The following TMSB4X variants were observed in gnomAD, a reference collection of about 807,000 sequenced individuals.
The protein encoded by TMSB4X is thymosin beta-4.
Under a neutral mutation model 3.6 loss-of-function variants are expected in TMSB4X, and 1 was observed. The observed-to-expected ratio is 0.28, with a 90% CI of 0.10 to 1.32. The LOEUF is 1.32. TMSB4X is among the 40% of genes most tolerant of loss of function. The pLI, the probability that TMSB4X is intolerant of heterozygous loss-of-function variation, is 0.45. For synonymous variants in TMSB4X, 12 were observed against 14.3 expected (o/e 0.84, Z 0.36); for missense variants, 6 against 32.7 (o/e 0.18, Z 1.99).
chrX:12,976,646 T>C (rs761332879), intron 2 of TMSB4X, 131 bp from the exon 3 acceptor site: 1 of 724,602 alleles, frequency 1.4e-6, no homozygotes, highest in Non-Finnish European at 2.1e-6. Flanking sequence ...ATACATATTT[T>C]ATTCCATTGT....
chrX:12,976,437 G>T (rs2043296731), intron 2 of TMSB4X, 76 bp downstream of exon 2: 10 of 912,054 alleles, frequency 1.1e-5, no homozygotes, highest in Middle Eastern at 5.4e-4. Context: ...GCTGGGAGCG[G>T]CCGCGGGAAG....
Position 12,975,126 on chromosome X carries a change from C to A in TMSB4X, c.-59C>A. The A allele has an allele frequency of 8.4e-6, 1 of 118,927 alleles. No homozygotes were observed. The allele number at this position is 118,927 out of a possible 1,213,427, so 9.8% of individuals were successfully genotyped here. A position where few individuals can be genotyped will look rare whatever the true frequency, so the allele number is the denominator to read the frequency against. ...CCGCCCGACAACTCGGTGGTGGCCA[C>A]TGCGCAGACCAGACTTCGCTCGTAC... On this transcript the variant is annotated 5_prime_UTR_variant, in exon 1 of 3. In the 5' UTR this introduces an upstream ATG that the reference lacks. Coordinates refer to ENST00000451311, the MANE Select transcript of TMSB4X (RefSeq NM_021109.4).
intron 1 of TMSB4X, 68 bp from the exon 2 acceptor site, chrX:12,976,178 G>T: frequency 2.3e-6 from 2 of 852,409 alleles, no homozygotes; most frequent in Middle Eastern, 4.1e-4. Context: ...CAGAAGTGCA[G>T]TTCCCAGCCC....
chrX:12,975,978 A>G (rs2043293848), intron 1 of TMSB4X: 1 of 237,062 alleles, frequency 4.2e-6, no homozygotes. Flanking sequence ...CGCAGTGGTC[A>G]ATTTCCTTTA....
intron 1 of TMSB4X, 146 bp from the exon 2 acceptor site, chrX:12,976,100 G>C (rs1602476513): frequency 2.3e-6 from 1 of 438,327 alleles, no homozygotes. Context: ...GAAAGAGGAA[G>C]CTCGTGAGCG....
intron 1 of TMSB4X, 104 bp from the exon 2 acceptor site, chrX:12,976,141 GT>G (rs2043294951): frequency 1.0e-5 from 6 of 580,108 alleles, no homozygotes; most frequent in South Asian, 5.4e-5. Context: ...AGCGAGAAGG[GT>G]TTTTTTCAGG....
At chrX:12,975,655 G>A (rs2043291588) in intron 1 of TMSB4X, 2 of 113,722 alleles carry the variant, frequency 1.8e-5, no homozygotes, top group Admixed American at 9.2e-5. Flanking sequence ...TGCCGGGAGA[G>A]CAGGCAAGAC....
At chrX:12,976,445 A>T in intron 2 of TMSB4X, 84 bp downstream of exon 2, 2 of 863,473 alleles carry the variant, frequency 2.3e-6, no homozygotes, top group East Asian at 6.5e-5. Context: ...CGGCCGCGGG[A>T]AGAATTCGGG....
chrX:12,976,412 G>A, intron 2 of TMSB4X, 51 bp downstream of exon 2: 1 of 1,080,309 alleles, frequency 9.3e-7, no homozygotes. Flanking sequence ...GGAGCGGCCG[G>A]TGGGAGGGCG....
At chrX:12,975,292 C>T (rs1278835252) in intron 1 of TMSB4X, 124 bp downstream of exon 1, 4 of 113,374 alleles carry the variant, frequency 3.5e-5, no homozygotes, top group African/African-American at 1.3e-4. Context: ...CCCGGGAAGG[C>T]TACTTTGGGG....
At chrX:12,976,467 C>A in intron 2 of TMSB4X, 106 bp downstream of exon 2, 1 of 683,412 alleles carries the variant, frequency 1.5e-6, no homozygotes. Flanking sequence ...GGGGGGAGTG[C>A]GGGGGAAGAG....
At chrX:12,975,342 G>C (rs2147274371) in intron 1 of TMSB4X, 174 bp downstream of exon 1, 1 of 113,749 alleles carries the variant, frequency 8.8e-6, no homozygotes, top group East Asian at 2.8e-4. Context: ...CTGGATAATG[G>C]GGTGGGGAAA....
rs1042919221 is a variant in TMSB4X, at chrX:12,977,011, G to C, written c.*200G>C. ...CATCTGTCTATCTATCTGGCTGGCA[G>C]GGAAGGAAAGAACTTGCATGTTGGT... On this transcript the variant is annotated 3_prime_UTR_variant, in exon 3 of 3. Transcript: ENST00000451311. 9 of 482,504 alleles carry C rather than the reference G, an allele frequency of 1.9e-5. No homozygotes were observed. The highest frequency in any genetic ancestry group is 3.1e-5 in the Non-Finnish European group (9 of 288,197). 39.8% of individuals were successfully genotyped at this position (482,504 alleles called of 1,213,427 possible).
rs1014809977 is a variant in TMSB4X, at chrX:12,975,594, G to A, written c.-17+426G>A. The A allele has an allele frequency of 2.2e-4, 25 of 113,442 alleles. 1 individual carries two copies. The highest frequency in any genetic ancestry group is 7.4e-4 in the African/African-American group (23 of 31,286). 9.3% of individuals were successfully genotyped at this position (113,442 alleles called of 1,213,427 possible). ...CCTGGCGGCGGCGGGGCTGTGCTATGACATCTTTACAGTCCTTCTTGCAGA... is the reference window on the plus strand; with the variant it reads ...CCTGGCGGCGGCGGGGCTGTGCTATAACATCTTTACAGTCCTTCTTGCAGA... On this transcript the variant is annotated intron_variant, in intron 1 of 2. Transcript: ENST00000451311.
intron 2 of TMSB4X, 55 bp from the exon 3 acceptor site, chrX:12,976,722 T>C (rs1031004109): frequency 8.5e-7 from 1 of 1,175,899 alleles, no homozygotes; most frequent in Non-Finnish European, 1.1e-6. Context: ...TAGTCTGTAC[T>C]GAATCCTTTA....
chrX:12,976,825 G>T lies in TMSB4X; in HGVS notation c.*14G>T. On this transcript the variant is annotated 3_prime_UTR_variant, in exon 3 of 3. Transcript: ENST00000451311. Reference sequence around the variant, plus strand: ...GGCGAATCGTAATGAGGCGTGCGCCGCCAATATGCACTGTACATTCCACAA... The same window carrying T: ...GGCGAATCGTAATGAGGCGTGCGCCTCCAATATGCACTGTACATTCCACAA... 2 of 1,189,206 alleles carry T rather than the reference G, an allele frequency of 1.7e-6. No individual in the cohort carries two copies. Among genetic ancestry groups the T allele is most frequent in the Non-Finnish European group, 2.3e-6 (2 of 884,953 alleles).
At chrX:12,975,829 A>G (rs1332599549) in intron 1 of TMSB4X, 1 of 116,004 alleles carries the variant, frequency 8.6e-6, no homozygotes. Context: ...GGCCGCGGCT[A>G]GGAAATGGAA....
At chrX:12,976,439 C>A (rs965982625) in intron 2 of TMSB4X, 78 bp downstream of exon 2, 1 of 866,989 alleles carries the variant, frequency 1.2e-6, no homozygotes, top group Non-Finnish European at 1.7e-6. Flanking sequence ...TGGGAGCGGC[C>A]GCGGGAAGAA....
In TMSB4X at chrX:12,977,029, A is replaced by G; in HGVS notation, c.*218A>G. Reference sequence around the variant, plus strand: ...GCTGGCAGGGAAGGAAAGAACTTGCATGTTGGTGAAGGAAGAAGTGGGGTG... The same window carrying G: ...GCTGGCAGGGAAGGAAAGAACTTGCGTGTTGGTGAAGGAAGAAGTGGGGTG... On this transcript the variant is annotated 3_prime_UTR_variant, in exon 3 of 3. Transcript: ENST00000451311. The G allele has an allele frequency of 6.7e-6, 3 of 446,548 alleles. No individual in the cohort carries two copies. The highest frequency in any genetic ancestry group is 7.5e-5 in the South Asian group (2 of 26,572). The allele number at this position is 446,548 out of a possible 1,213,427, so 36.8% of individuals were successfully genotyped here. A position where few individuals can be genotyped will look rare whatever the true frequency, so the allele number is the denominator to read the frequency against.
Sources: gnomAD v4.1 joint callset for allele counts on GRCh38, gnomAD v4.1.1 for gene constraint, MANE v1.5 for transcripts, NCBI Gene and HGNC (gene_info 2026-07-23, HGNC 2026-07-21) for gene names.